Variants in CPQ observed in about 807,000 individuals in gnomAD.
CPQ encodes the protein carboxypeptidase Q, also known as Ser-Met dipeptidase.
CPQ carries 37 observed loss-of-function variants against 45.7 expected under a neutral mutation model. The observed-to-expected ratio is 0.81, with a 90% CI of 0.62 to 1.07. CPQ has a LOEUF of 1.07. CPQ is among the 50% of genes least tolerant of loss of function. The pLI is 0.00. For synonymous variants in CPQ, 186 were observed against 205.8 expected, an observed-to-expected ratio of 0.90 and a Z score of 0.82; for missense variants, 537 against 572.9, an observed-to-expected ratio of 0.94 and a Z score of 0.64.
At chr8:96,753,959 G>A (rs907550133) in intron 1 of CPQ, among the ~76,000 whole-genome samples, 10 of 151,602 alleles carry the variant, frequency 6.6e-5, no homozygotes, top group African/African-American at 2.4e-4. Flanking sequence ...ATGATCTTTT[G>A]TTCTTTTTTT....
intron 7 of CPQ, among the ~76,000 whole-genome samples, chr8:97,136,287 C>T (rs926682367): frequency 1.3e-5 from 2 of 152,086 alleles, no homozygotes. Context: ...CCAGGTGTTC[C>T]GTCTTTAAAA....
intron 7 of CPQ, among the ~76,000 whole-genome samples, chr8:97,092,089 G>A (rs924418221): frequency 9.9e-5 from 15 of 152,046 alleles, no homozygotes; most frequent in East Asian, 1.9e-4. Flanking sequence ...TACTGAAACC[G>A]TATACTGCTA....
chr8:97,119,904 A>T (rs569422729), intron 7 of CPQ, among the ~76,000 whole-genome samples: 2 of 152,166 alleles, frequency 1.3e-5, no homozygotes, highest in Non-Finnish European at 2.9e-5. Flanking sequence ...TTAGTCCATG[A>T]TCAAGACAGA....
chr8:97,081,905 G>A (rs943822351), intron 7 of CPQ, among the ~76,000 whole-genome samples: 7 of 152,118 alleles, frequency 4.6e-5, no homozygotes, highest in African/African-American at 1.4e-4. Flanking sequence ...AAATAAAATA[G>A]TAATACTAAT....
At chr8:96,674,189 C>G (rs2130723016) in intron 1 of CPQ, among the ~76,000 whole-genome samples, 1 of 152,198 alleles carries the variant, frequency 6.6e-6, no homozygotes, top group East Asian at 1.9e-4. Flanking sequence ...AGTGGAAAAC[C>G]AAGTTGGACA....
chr8:97,037,705 A>G (rs1276763944), intron 6 of CPQ, among the ~76,000 whole-genome samples: 1 of 152,138 alleles, frequency 6.6e-6, no homozygotes, highest in African/African-American at 2.4e-5. Flanking sequence ...TATTTTTGTA[A>G]AAAAAGGAAA....
At chr8:96,707,092 A>G (rs879277218) in intron 1 of CPQ, among the ~76,000 whole-genome samples, 3 of 151,976 alleles carry the variant, frequency 2.0e-5, no homozygotes, top group South Asian at 2.1e-4. Context: ...GATCTAGGGG[A>G]AAAAAAGGAG....
intron 1 of CPQ, among the ~76,000 whole-genome samples, chr8:96,652,802 T>C (rs1200324219): frequency 6.6e-6 from 1 of 152,090 alleles, no homozygotes; most frequent in Non-Finnish European, 1.5e-5. Context: ...CCGGCTAATT[T>C]TTTTTGTATT....
chr8:96,684,123 G>A (rs1043625062), intron 1 of CPQ, among the ~76,000 whole-genome samples: 2 of 151,774 alleles, frequency 1.3e-5, no homozygotes, highest in African/African-American at 4.8e-5. Flanking sequence ...TGTGTTTTTT[G>A]TATCCTTACA....
Position 96,806,016 on chromosome 8 carries a change from G to C in CPQ, c.433+20686G>C, listed in dbSNP as rs567876340. Among the ~76,000 whole-genome samples, 7 of 152,106 alleles carry C rather than the reference G, an allele frequency of 4.6e-5. No homozygotes were observed. The East Asian group carries it at 1.3e-3, about 29-fold the overall frequency. On this transcript the variant is annotated intron_variant, in intron 2 of 7. Coordinates refer to ENST00000220763, the MANE Select transcript of CPQ (RefSeq NM_016134.4). ...GGATTTCATAAGAGTGGCCATTAGA[G>C]CCCTTTTAAGCAGAATACTGAAGTC... is the stretch of plus-strand genomic sequence containing the variant.
chr8:96,865,778 C>T (rs933376509), intron 3 of CPQ, among the ~76,000 whole-genome samples: 6 of 151,950 alleles, frequency 3.9e-5, no homozygotes, highest in Non-Finnish European at 8.8e-5. Flanking sequence ...TTCATTATCC[C>T]CCATTAACAG....
At chr8:96,758,630 C>T (rs1810357498) in intron 1 of CPQ, among the ~76,000 whole-genome samples, 2 of 152,182 alleles carry the variant, frequency 1.3e-5, no homozygotes, top group African/African-American at 2.4e-5. Flanking sequence ...CTGCCTGCTG[C>T]CATGTTAAGA....
intron 4 of CPQ, among the ~76,000 whole-genome samples, chr8:96,962,666 A>G (rs1813479543): frequency 6.6e-6 from 1 of 152,098 alleles, no homozygotes. Flanking sequence ...GTGCATTGGT[A>G]TATTTTTCTG....
intron 4 of CPQ, among the ~76,000 whole-genome samples, chr8:96,911,665 G>A (rs541671514): frequency 1.4e-4 from 21 of 152,140 alleles, no homozygotes; most frequent in Non-Finnish European, 2.4e-4. Flanking sequence ...CTGAAAATCA[G>A]GCCTTCCTGG....
chr8:96,874,892 T>C (rs370812386), intron 3 of CPQ, among the ~76,000 whole-genome samples: 2 of 151,918 alleles, frequency 1.3e-5, no homozygotes, highest in East Asian at 3.8e-4. Flanking sequence ...TAAGTACATG[T>C]TTAACTTTTT....
intron 7 of CPQ, among the ~76,000 whole-genome samples, chr8:97,122,756 GC>G (rs1273367256): frequency 6.6e-6 from 1 of 150,882 alleles, no homozygotes; most frequent in Non-Finnish European, 1.5e-5. Flanking sequence ...ATGGTGGCGT[GC>G]ACCTGTAATC....
intron 1 of CPQ, among the ~76,000 whole-genome samples, chr8:96,770,319 C>G (rs1810524315): frequency 6.6e-6 from 1 of 152,154 alleles, no homozygotes; most frequent in Admixed American, 6.5e-5. Flanking sequence ...CTCCCATCAT[C>G]TCACTAACCT....
chr8:96,941,808 G>A (rs1813126306), intron 4 of CPQ, among the ~76,000 whole-genome samples: 1 of 152,162 alleles, frequency 6.6e-6, no homozygotes, highest in Non-Finnish European at 1.5e-5. Flanking sequence ...GATGAGATAA[G>A]CACTGTTTTC....
At chr8:97,039,818 A>T (rs1264445504) in intron 6 of CPQ, among the ~76,000 whole-genome samples, 1 of 152,000 alleles carries the variant, frequency 6.6e-6, no homozygotes. Flanking sequence ...TGAACTCATC[A>T]TTTTTATGGC....
Sources: allele counts gnomAD v4.1 joint callset (sites outside exome capture counted in the v4.1 genomes callset), GRCh38; gene constraint gnomAD v4.1.1; transcripts MANE v1.5; gene names NCBI Gene and HGNC (gene_info 2026-07-23, HGNC 2026-07-21).